SYT6: variants seen among roughly 807,000 people sequenced by gnomAD.
SYT6 encodes the protein synaptotagmin-6.
Under a neutral mutation model 38.4 loss-of-function variants are expected in SYT6, and 24 were observed. That is an observed-to-expected ratio of 0.62 (90% confidence interval 0.45 to 0.88). The LOEUF is 0.88. SYT6 is among the 40% of genes least tolerant of loss of function. SYT6 has a pLI of 0.00. For synonymous variants in SYT6, 265 were observed against 241.9 expected (o/e 1.10, Z -0.89); for missense variants, 611 against 621.0 (o/e 0.98, Z 0.17).
chr1:114,128,726 TC>T (rs1432877281), intron 3 of SYT6, among the ~76,000 whole-genome samples: 1 of 152,218 alleles, frequency 6.6e-6, no homozygotes, highest in Non-Finnish European at 1.5e-5. Flanking sequence ...TGGAAACACT[TC>T]CTTTGTTTCC....
chr1:114,148,909 C>T (rs2629823), intron 1 of SYT6, among the ~76,000 whole-genome samples: 1 of 151,952 alleles, frequency 6.6e-6, no homozygotes, highest in East Asian at 1.9e-4. Context: ...TCTTGAATCA[C>T]GTATCTGGGA....
chr1:114,153,334 C>A (rs1274765543), intron 1 of SYT6, among the ~76,000 whole-genome samples: 1 of 152,224 alleles, frequency 6.6e-6, no homozygotes, highest in Non-Finnish European at 1.5e-5. Context: ...CCAAGGGTGC[C>A]CCGTCCTGGG....
intron 3 of SYT6, among the ~76,000 whole-genome samples, chr1:114,123,226 G>A (rs1677528580): frequency 6.6e-6 from 1 of 152,174 alleles, no homozygotes; most frequent in Admixed American, 6.5e-5. Context: ...AGCTAGCCCT[G>A]TCCCCAACTT....
intron 4 of SYT6, 27 bp from the exon 5 acceptor site, chr1:114,099,292 GA>G: frequency 1.3e-6 from 2 of 1,597,682 alleles, no homozygotes; most frequent in Non-Finnish European, 8.5e-7. Flanking sequence ...AGAGAAAAGG[GA>G]ATGGAGTATG....
chr1:114,109,572 G>A (rs1259865418), intron 3 of SYT6, among the ~76,000 whole-genome samples: 1 of 152,220 alleles, frequency 6.6e-6, no homozygotes, highest in African/African-American at 2.4e-5. Flanking sequence ...GAGATTAAAT[G>A]AGGTAATTTG....
chr1:114,099,536 A>AT (rs1675840663), intron 4 of SYT6, among the ~76,000 whole-genome samples: 1 of 152,178 alleles, frequency 6.6e-6, no homozygotes, highest in Admixed American at 6.5e-5. Context: ...CTGGCCCCAT[A>AT]TCAGACATGA....
intron 3 of SYT6, among the ~76,000 whole-genome samples, chr1:114,128,262 T>C (rs1262573495): frequency 6.6e-6 from 1 of 152,230 alleles, no homozygotes; most frequent in Non-Finnish European, 1.5e-5. Flanking sequence ...GGCTTGGACC[T>C]GCATGCGGGA....
At chr1:114,125,677 A>T (rs7546417) in intron 3 of SYT6, among the ~76,000 whole-genome samples, 3 of 152,016 alleles carry the variant, frequency 2.0e-5, no homozygotes, top group South Asian at 2.1e-4. Flanking sequence ...TAAACATATG[A>T]TAGCAACTGG....
intron 6 of SYT6, 50 bp downstream of exon 6, chr1:114,097,677 C>T (rs749022298): frequency 6.3e-7 from 1 of 1,597,920 alleles, no homozygotes. Context: ...CATTCTCCAG[C>T]CCACACTGCC....
At chr1:114,150,157 C>G (rs997031275) in intron 1 of SYT6, among the ~76,000 whole-genome samples, 1 of 152,202 alleles carries the variant, frequency 6.6e-6, no homozygotes, top group African/African-American at 2.4e-5. Context: ...ACCCCTAACT[C>G]TGTGGACAGG....
intron 1 of SYT6, among the ~76,000 whole-genome samples, chr1:114,148,755 C>T (rs1679286817): frequency 6.6e-6 from 1 of 152,086 alleles, no homozygotes; most frequent in Non-Finnish European, 1.5e-5. Flanking sequence ...ACCTTTCTAG[C>T]CTCCCTAAGA....
At chr1:114,128,099 A>G (rs1677848249) in intron 3 of SYT6, among the ~76,000 whole-genome samples, 2 of 152,204 alleles carry the variant, frequency 1.3e-5, no homozygotes, top group African/African-American at 2.4e-5. Context: ...CTCCGGCTGC[A>G]TGGTTTGGCC....
chr1:114,149,241 T>TGCGCGCGCGTGTGTGTGTGTGTGTGTGTG (rs1679322518), intron 1 of SYT6, among the ~76,000 whole-genome samples: 1 of 28,378 alleles, frequency 3.5e-5, no homozygotes, highest in African/African-American at 1.7e-4. Context: ...GTGTGTGTGT[T>TGCGCGCGCGTGTGTGTGTGTGTGTGTGTG]GGGAGAACAG....
chr1:114,124,729 C>T (rs1677624639), intron 3 of SYT6, among the ~76,000 whole-genome samples: 2 of 152,182 alleles, frequency 1.3e-5, no homozygotes, highest in African/African-American at 2.4e-5. Context: ...ATCATATATG[C>T]TCTCCCCAAC....
At chr1:114,128,906 C>A (rs1249897515) in intron 3 of SYT6, among the ~76,000 whole-genome samples, 1 of 152,158 alleles carries the variant, frequency 6.6e-6, no homozygotes, top group Non-Finnish European at 1.5e-5. Flanking sequence ...AGTTTCATGC[C>A]TCTTGACACC....
chr1:114,124,816 C>T (rs867416290), intron 3 of SYT6, among the ~76,000 whole-genome samples: 1 of 152,328 alleles, frequency 6.6e-6, no homozygotes, highest in African/African-American at 2.4e-5. Context: ...GGGCTCGGAG[C>T]ACATGCAACC....
chr1:114,127,904 C>A (rs935861632), intron 3 of SYT6, among the ~76,000 whole-genome samples: 3 of 152,170 alleles, frequency 2.0e-5, no homozygotes, highest in Non-Finnish European at 4.4e-5. Context: ...CAAAGACAAC[C>A]GGGGAGCTGC....
At chr1:114,117,659 T>A (rs547717195) in intron 3 of SYT6, among the ~76,000 whole-genome samples, 1 of 152,182 alleles carries the variant, frequency 6.6e-6, no homozygotes, top group African/African-American at 2.4e-5. Context: ...ATCAGTAGGA[T>A]TGGGGAGGGC....
At chr1:114,120,724 A>C (rs1166178906) in intron 3 of SYT6, among the ~76,000 whole-genome samples, 1 of 152,220 alleles carries the variant, frequency 6.6e-6, no homozygotes, top group African/African-American at 2.4e-5. Flanking sequence ...GTGTGCAAAA[A>C]GGCTCTGTAA....
Sources: gnomAD v4.1 joint callset for allele counts (sites outside exome capture counted in the v4.1 genomes callset) on GRCh38, gnomAD v4.1.1 for gene constraint, MANE v1.5 for transcripts, NCBI Gene and HGNC (gene_info 2026-07-23, HGNC 2026-07-21) for gene names.